Variants in OR7E24 observed in about 807,000 individuals in gnomAD.
The protein encoded by OR7E24 is olfactory receptor 7E24.
For synonymous variants in OR7E24, 130 were observed against 157.5 expected (o/e 0.83, Z 1.31); for missense variants, 385 against 410.3 (o/e 0.94, Z 0.53).
At chr19:9,220,129 T>A in the OR7E24 span, among the ~76,000 whole-genome samples, 3 of 152,184 alleles carry the variant, frequency 2.0e-5, no homozygotes. Flanking sequence ...ATATACATTG[T>A]GGACATTCAA....
chr19:9,215,677 T>TGCAC, the OR7E24 span, among the ~76,000 whole-genome samples: 1 of 152,234 alleles, frequency 6.6e-6, no homozygotes, highest in East Asian at 1.9e-4. Flanking sequence ...AAATGCCATA[T>TGCAC]GCACGGTAGG....
chr19:9,216,138 C>T, the OR7E24 span, among the ~76,000 whole-genome samples: 1 of 152,160 alleles, frequency 6.6e-6, no homozygotes, highest in African/African-American at 2.4e-5. Context: ...GATTCAATTT[C>T]CTCCCACTGG....
chr19:9,233,925 A>G, the OR7E24 span, among the ~76,000 whole-genome samples: 2 of 141,232 alleles, frequency 1.4e-5, no homozygotes, highest in African/African-American at 5.3e-5. Context: ...TTTTTTTGAT[A>G]TAGAGTCTCA....
At chr19:9,242,169 C>T in the OR7E24 span, among the ~76,000 whole-genome samples, 1 of 152,288 alleles carries the variant, frequency 6.6e-6, no homozygotes, top group East Asian at 1.9e-4. Flanking sequence ...GTCAAGGCAA[C>T]GTGTTTCCCT....
the OR7E24 span, among the ~76,000 whole-genome samples, chr19:9,225,696 C>T: frequency 6.6e-6 from 1 of 152,140 alleles, no homozygotes; most frequent in Non-Finnish European, 1.5e-5. Context: ...AATGCCACTC[C>T]TTGAATGTAC....
At chr19:9,232,344 C>A in the OR7E24 span, among the ~76,000 whole-genome samples, 2 of 152,020 alleles carry the variant, frequency 1.3e-5, no homozygotes, top group Admixed American at 1.3e-4. Flanking sequence ...TAGAGACCAT[C>A]CTGGCCAACA....
At chr19:9,237,386 C>A in the OR7E24 span, among the ~76,000 whole-genome samples, 2 of 152,162 alleles carry the variant, frequency 1.3e-5, no homozygotes, top group Non-Finnish European at 2.9e-5. Context: ...TCTCGGCTCA[C>A]TGCAAGCTCC....
At chr19:9,235,575 G>C in the OR7E24 span, 1 of 1,555,534 alleles carries the variant, frequency 6.4e-7, no homozygotes, top group Non-Finnish European at 8.9e-7. Context: ...GTGGCCTCCT[G>C]GTTCTGGCAT....
upstream of OR7E24, among the ~76,000 whole-genome samples, chr19:9,250,145 A>C (rs925800789): frequency 6.6e-6 from 1 of 152,050 alleles, no homozygotes; most frequent in Non-Finnish European, 1.5e-5. Context: ...CTCTGCCTAG[A>C]GTGCGGTGGT....
At chr19:9,235,960 A>G in the OR7E24 span, 3 of 1,611,468 alleles carry the variant, frequency 1.9e-6, no homozygotes, top group South Asian at 2.2e-5. Context: ...GAGCAGCTCC[A>G]TGGCCTCAGT....
the OR7E24 span, among the ~76,000 whole-genome samples, chr19:9,239,827 G>A: frequency 6.7e-6 from 1 of 149,520 alleles, no homozygotes; most frequent in African/African-American, 2.5e-5. Context: ...TCCTGTCTCA[G>A]CCTCCTGAGT....
upstream of OR7E24, among the ~76,000 whole-genome samples, chr19:9,246,466 TTGTGTGTGTGTGTG>T (rs34518365): frequency 1.0e-3 from 131 of 131,064 alleles, no homozygotes; most frequent in African/African-American, 2.3e-3. Context: ...CTTAAAGGTA[TTGTGTGTGTGTGTG>T]TGTGTGTGTG....
the OR7E24 span, among the ~76,000 whole-genome samples, chr19:9,237,976 T>A: frequency 3.9e-5 from 6 of 152,012 alleles, no homozygotes; most frequent in Non-Finnish European, 8.8e-5. Flanking sequence ...AATACTTTTT[T>A]AAAAAAACAA....
chr19:9,227,749 CTTTTTTTTTTTTT>C, the OR7E24 span, among the ~76,000 whole-genome samples: 1 of 107,920 alleles, frequency 9.3e-6, no homozygotes, highest in South Asian at 2.9e-4. Flanking sequence ...AATGGTATTT[CTTTTTTTTTTTTT>C]TTTTTTTTTG....
At chr19:9,213,990 G>A in the OR7E24 span, 41 of 1,613,992 alleles carry the variant, frequency 2.5e-5, no homozygotes, top group Non-Finnish European at 3.2e-5. Flanking sequence ...GTTCAGCATG[G>A]GGGTGACCAT....
the OR7E24 span, chr19:9,236,260 C>T: frequency 1.3e-4 from 67 of 513,416 alleles, no homozygotes; most frequent in Admixed American, 9.2e-4. Context: ...CACCTGTAAT[C>T]GCAGCACTTT....
the OR7E24 span, chr19:9,210,286 T>C: frequency 6.6e-5 from 10 of 152,210 alleles, no homozygotes; most frequent in African/African-American, 2.2e-4. Flanking sequence ...CTCTGAGCCA[T>C]GGGTGGAATG....
the OR7E24 span, among the ~76,000 whole-genome samples, chr19:9,229,430 G>A: frequency 6.6e-6 from 1 of 151,856 alleles, no homozygotes; most frequent in Non-Finnish European, 1.5e-5. Flanking sequence ...AGCTACTCAG[G>A]AGACTGAGGC....
At chr19:9,213,796 T>C in the OR7E24 span, 3 of 805,178 alleles carry the variant, frequency 3.7e-6, no homozygotes, top group African/African-American at 5.2e-5. Context: ...AAATCCCACA[T>C]CAAGCACATT....
Sources: gnomAD v4.1 joint callset for allele counts (sites outside exome capture counted in the v4.1 genomes callset) on GRCh38, gnomAD v4.1.1 for gene constraint, MANE v1.5 for transcripts, NCBI Gene and HGNC (gene_info 2026-07-23, HGNC 2026-07-21) for gene names.